Variants in IGF1R observed in about 807,000 individuals in gnomAD.
IGF1R encodes insulin-like growth factor 1 receptor.
A neutral mutation model predicts 144.6 loss-of-function variants in IGF1R; 44 were observed. That is an observed-to-expected ratio of 0.30 (90% CI 0.24 to 0.39). The LOEUF (loss-of-function observed/expected upper bound fraction) is 0.39. IGF1R is among the 10% of genes least tolerant of loss of function. The probability of loss-of-function intolerance (pLI) is 1.00; values close to 1 mark genes in which losing one functional copy is unlikely to be tolerated. For synonymous variants in IGF1R, 795 were observed against 722.8 expected (o/e 1.10, Z -1.60); for missense variants, 1,355 against 1,833.7 (o/e 0.74, Z 4.77).
Position 98,935,220 on chromosome 15 carries a change from A to G in IGF1R, c.3187-96A>G. 2 of 1,000,028 alleles carry G rather than the reference A, an allele frequency of 2.0e-6. No individual in the cohort carries two copies. Among genetic ancestry groups the G allele is most frequent in the Non-Finnish European group, 3.1e-6 (2 of 644,702 alleles). 61.9% of individuals were successfully genotyped at this position (1,000,028 alleles called of 1,614,324 possible). Reference sequence around the variant, plus strand: ...GCTACCTTCAGACCCCTGTGCTCAGACCAGGCCGCAGCACCACAGAGACAG... The same window carrying G: ...GCTACCTTCAGACCCCTGTGCTCAGGCCAGGCCGCAGCACCACAGAGACAG... On this transcript the variant is annotated intron_variant, in intron 16 of 20. Coordinates refer to ENST00000650285, the MANE Select transcript of IGF1R (RefSeq NM_000875.5). The surrounding 1 kb of genome is among the most constrained non-coding windows in gnomAD (Gnocchi z 4.2).
chr15:98,824,350 C>T (rs1047135894), intron 2 of IGF1R: 2 of 152,192 alleles, frequency 1.3e-5, no homozygotes, highest in Non-Finnish European at 2.9e-5. Context: ...CTTTCAGTCC[C>T]AGTGCCTTTT....
At chr15:98,946,041 G>GCGT (rs1431752614) in intron 19 of IGF1R, among the ~76,000 whole-genome samples, 1 of 151,934 alleles carries the variant, frequency 6.6e-6, no homozygotes, top group African/African-American at 2.4e-5. Flanking sequence ...GACGATGACA[G>GCGT]CGTCGTCGTC....
chr15:98,737,484 A>G (rs1276507616), intron 2 of IGF1R, among the ~76,000 whole-genome samples: 1 of 152,140 alleles, frequency 6.6e-6, no homozygotes, highest in East Asian at 1.9e-4. Context: ...TTTGGGTAGG[A>G]CTTACCCAAA....
At chr15:98,869,482 TG>T (rs2012665012) in intron 2 of IGF1R, among the ~76,000 whole-genome samples, 1 of 150,458 alleles carries the variant, frequency 6.6e-6, no homozygotes, top group African/African-American at 2.5e-5. Context: ...TTGCCCAGGC[TG>T]GAGTGCAATG....
rs796977471 is a variant in IGF1R at position 98,702,029 on chromosome 15, C to T, written c.95-5533C>T. Among the ~76,000 whole-genome samples the T allele has an allele frequency of 1.1e-3, 127 of 114,298 alleles. 1 individual carries two copies. The highest frequency in any genetic ancestry group is 3.9e-3 in the African/African-American group (120 of 30,604). The allele number at this position is 114,298 out of a possible 152,430, so 75.0% of individuals were successfully genotyped here. On this transcript the variant is annotated intron_variant, in intron 1 of 20. Transcript: ENST00000650285. Reference sequence around the variant, plus strand: ...TGGCACTCTGGGCTCATGGGAGTCACGCTGTTTTTTTTTTTTTTTTTTTTT... The same window carrying T: ...TGGCACTCTGGGCTCATGGGAGTCATGCTGTTTTTTTTTTTTTTTTTTTTT...
intron 1 of IGF1R, among the ~76,000 whole-genome samples, chr15:98,673,661 C>T (rs192057507): frequency 2.0e-5 from 3 of 152,336 alleles, no homozygotes; most frequent in Non-Finnish European, 2.9e-5. Context: ...CACTGCTGGC[C>T]TCACCTTTGG....
chr15:98,778,149 G>T (rs915787637), intron 2 of IGF1R, among the ~76,000 whole-genome samples: 1 of 152,148 alleles, frequency 6.6e-6, no homozygotes, highest in African/African-American at 2.4e-5. Context: ...TTGGTGGACA[G>T]AACGGCGATG....
At chr15:98,718,035 A>G (rs2054162547) in intron 2 of IGF1R, among the ~76,000 whole-genome samples, 1 of 151,984 alleles carries the variant, frequency 6.6e-6, no homozygotes, top group South Asian at 2.1e-4. Context: ...TGTTTTGTTT[A>G]GTTTCATTTT....
At chr15:98,789,383 C>G (rs1413466650) in intron 2 of IGF1R, among the ~76,000 whole-genome samples, 2 of 152,122 alleles carry the variant, frequency 1.3e-5, no homozygotes, top group Non-Finnish European at 2.9e-5. Flanking sequence ...TAATTTATAG[C>G]ATCATCATTT....
chr15:98,853,176 A>G (rs1052366717), intron 2 of IGF1R, among the ~76,000 whole-genome samples: 2 of 152,060 alleles, frequency 1.3e-5, no homozygotes, highest in Non-Finnish European at 2.9e-5. Context: ...TCCTTTCCCT[A>G]TTCCTAGGTT....
intron 2 of IGF1R, among the ~76,000 whole-genome samples, chr15:98,866,638 A>C (rs1407353782): frequency 1.3e-5 from 2 of 152,230 alleles, no homozygotes; most frequent in Non-Finnish European, 2.9e-5. Context: ...CCAGAAACTC[A>C]GAATATTCAT....
chr15:98,917,370 T>A (rs2015301549), intron 10 of IGF1R, among the ~76,000 whole-genome samples: 1 of 152,212 alleles, frequency 6.6e-6, no homozygotes, highest in Non-Finnish European at 1.5e-5. Context: ...GCCACAGGCA[T>A]CCTGTACAAG....
intron 2 of IGF1R, among the ~76,000 whole-genome samples, chr15:98,757,766 A>G (rs2055191016): frequency 6.6e-6 from 1 of 152,202 alleles, no homozygotes. Context: ...GTTCTCTAAT[A>G]GGGACGTTCT....
chr15:98,943,491 G>C (rs1312575472), intron 19 of IGF1R, among the ~76,000 whole-genome samples: 1 of 152,194 alleles, frequency 6.6e-6, no homozygotes, highest in Non-Finnish European at 1.5e-5. Flanking sequence ...AGTCCTGATT[G>C]TGTTTTCCTG....
chr15:98,957,567 C>A lies in IGF1R; in HGVS notation c.*125C>A. ...ACCTCAGTGGATCTTCAGAACTGCC[C>A]TTGCTGCCCGCGGGAGACAGCTTCT... On this transcript the variant is annotated 3_prime_UTR_variant, in exon 21 of 21. Coordinates refer to ENST00000650285, the MANE Select transcript of IGF1R (RefSeq NM_000875.5). The A allele has an allele frequency of 1.6e-6, 2 of 1,238,830 alleles. No homozygotes were observed. Among genetic ancestry groups the A allele is most frequent in the Non-Finnish European group, 2.3e-6 (2 of 862,196 alleles). 76.7% of individuals were successfully genotyped at this position (1,238,830 alleles called of 1,614,324 possible). A position where few individuals can be genotyped will look rare whatever the true frequency, so the allele number is the denominator to read the frequency against.
chr15:98,836,448 G>A (rs1194284673), intron 2 of IGF1R, among the ~76,000 whole-genome samples: 1 of 150,808 alleles, frequency 6.6e-6, no homozygotes, highest in Non-Finnish European at 1.5e-5. Context: ...TGAGCCAGGA[G>A]TTCCAGGCTG....
chr15:98,928,378 G>A (rs1322412498), intron 13 of IGF1R, among the ~76,000 whole-genome samples: 1 of 152,204 alleles, frequency 6.6e-6, no homozygotes, highest in Non-Finnish European at 1.5e-5. Flanking sequence ...AGACATGACA[G>A]TGCCTTCTCT....
intron 2 of IGF1R, among the ~76,000 whole-genome samples, chr15:98,740,811 C>T (rs559510293): frequency 8.5e-5 from 13 of 152,290 alleles, no homozygotes; most frequent in African/African-American, 2.6e-4. Flanking sequence ...GGAAATGCTT[C>T]TCCCCATTCC....
intron 2 of IGF1R, among the ~76,000 whole-genome samples, chr15:98,816,640 T>A (rs2141469338): frequency 6.6e-6 from 1 of 152,354 alleles, no homozygotes; most frequent in South Asian, 2.1e-4. Context: ...GGACTTCCCT[T>A]GTGCCTGTGT....
Sources: gnomAD v4.1 joint callset for allele counts (sites outside exome capture counted in the v4.1 genomes callset) on GRCh38, gnomAD v4.1.1 for gene constraint, Gnocchi (gnomAD v3.1) non-coding constraint, MANE v1.5 for transcripts, NCBI Gene and HGNC (gene_info 2026-07-23, HGNC 2026-07-21) for gene names.